Variants in ABI3BP observed in about 807,000 individuals in gnomAD.
ABI3BP encodes the protein target of Nesh-SH3.
A neutral mutation model predicts 268.6 loss-of-function variants in ABI3BP; 216 were observed. The ratio of observed to expected loss-of-function variants is 0.80; its 90% CI spans 0.72 to 0.90. The LOEUF (loss-of-function observed/expected upper bound fraction) is 0.90, where lower values mean the gene tolerates loss of function less well. ABI3BP is among the 40% of genes least tolerant of loss of function. The pLI is 0.00. For missense variants in ABI3BP, 2,090 were observed against 2,182.4 expected (o/e 0.96, Z 0.84); for synonymous variants, 730 against 730.0 (o/e 1.00, Z 0.00).
chr3:100,976,297 C>A (rs768762080), intron 1 of ABI3BP, among the ~76,000 whole-genome samples: 8 of 152,046 alleles, frequency 5.3e-5, no homozygotes, highest in Non-Finnish European at 1.2e-4. Flanking sequence ...ATAAAATATT[C>A]CCTACATAAA....
intron 1 of ABI3BP, among the ~76,000 whole-genome samples, chr3:100,929,218 T>C (rs1454407450): frequency 6.6e-6 from 1 of 152,026 alleles, no homozygotes; most frequent in Non-Finnish European, 1.5e-5. Flanking sequence ...CACAGCATCA[T>C]CATCACGTTA....
chr3:100,780,154 A>G lies in ABI3BP; in HGVS notation c.4218T>C (p.Ser1406=), dbSNP rs759353535. 3 of 1,612,992 alleles carry G rather than the reference A, an allele frequency of 1.9e-6. 1 individual carries two copies. In the South Asian group the frequency reaches 3.3e-5, roughly 18 times the overall value. The change falls in exon 58 of 68, where the codon TCT becomes TCC. Residue 1406 remains serine (S), a synonymous_variant. Transcript: ENST00000471714. Reference sequence around the variant, plus strand: ...TACCTGGCTTTTTAGTGGGGTGGGTAGAGTCCACTGATACATTTCTATCAG... The same window carrying G: ...TACCTGGCTTTTTAGTGGGGTGGGTGGAGTCCACTGATACATTTCTATCAG... ...SGADRNVSVD[S]THPTKKPGTR...
At chr3:100,862,181 C>T in intron 14 of ABI3BP, 130 bp downstream of exon 14, 1 of 696,532 alleles carries the variant, frequency 1.4e-6, no homozygotes, top group South Asian at 2.2e-5. Flanking sequence ...ATCTCAGTAT[C>T]AACAAATGTA....
intron 62 of ABI3BP, among the ~76,000 whole-genome samples, chr3:100,768,305 A>G (rs367695797): frequency 1.4e-3 from 220 of 151,964 alleles, no homozygotes; most frequent in South Asian, 4.2e-3. Flanking sequence ...AGCCAGGATG[A>G]TCTTGATCTC....
At chr3:100,961,559 G>T (rs780771673) in intron 1 of ABI3BP, among the ~76,000 whole-genome samples, 3 of 152,170 alleles carry the variant, frequency 2.0e-5, no homozygotes, top group Non-Finnish European at 4.4e-5. Context: ...CATAATTAGA[G>T]CTACATCAAG....
chr3:100,875,717 A>G, intron 7 of ABI3BP, 138 bp from the exon 8 acceptor site: 9 of 649,126 alleles, frequency 1.4e-5, no homozygotes, highest in Admixed American at 2.4e-5. Context: ...TGGCCTGGCT[A>G]TATAGCCAAC....
chr3:100,886,172 T>A lies in ABI3BP; in HGVS notation c.613A>T (p.Lys205Ter). Residue 205 changes from lysine (K) to a stop codon, truncating the protein, a stop_gained, in exon 5 of 68, where the codon AAG becomes TAG. Transcript: ENST00000471714. LOFTEE classifies it high-confidence loss of function. ...ACAACAGTCTTGTGATTGAAAATCT[T>A]ACTCCAAATTCCACCTTCCACATTG... ...KDNVEGGIWS[K>*]IFNHKTVVGS... The A allele has an allele frequency of 6.2e-7, 1 of 1,600,634 alleles. No homozygotes were observed. The highest frequency in any genetic ancestry group is 1.7e-5 in the Admixed American group (1 of 58,204).
chr3:100,931,899 G>A (rs955467923), intron 1 of ABI3BP, among the ~76,000 whole-genome samples: 16 of 151,786 alleles, frequency 1.1e-4, no homozygotes, highest in African/African-American at 3.4e-4. Context: ...AGTAGCCAAA[G>A]CAATTCTAAA....
At chr3:100,831,312 G>A (rs1383630301) in intron 31 of ABI3BP, among the ~76,000 whole-genome samples, 1 of 152,016 alleles carries the variant, frequency 6.6e-6, no homozygotes, top group African/African-American at 2.4e-5. Context: ...AGGAGAGGAT[G>A]GATTATATAA....
At chr3:100,938,933 G>A (rs981979370) in intron 1 of ABI3BP, among the ~76,000 whole-genome samples, 3 of 152,034 alleles carry the variant, frequency 2.0e-5, no homozygotes, top group Admixed American at 6.6e-5. Flanking sequence ...TGTTGGGGGG[G>A]CATGTGTGTG....
In ABI3BP at chr3:100,942,990, A is replaced by T. The variant is rs374445356; in HGVS notation, c.80-16509T>A. 1.4e-4 allele frequency among the ~76,000 whole-genome samples: 21 copies of T among 152,244 alleles called. No individual in the cohort carries two copies. The South Asian group carries it at 1.9e-3, about 14-fold the overall frequency. On this transcript the variant is annotated intron_variant, in intron 1 of 67. Transcript: ENST00000471714. The stretch of plus-strand genomic sequence containing the variant: ...TTTACACATATTTTGGTCTGTGAAC[A>T]AATTCTGTTAATTAGGGTTTCTGAG...
chr3:100,812,609 T>C (rs2097889593), intron 45 of ABI3BP, 86 bp from the exon 46 acceptor site: 9 of 799,824 alleles, frequency 1.1e-5, no homozygotes, highest in Admixed American at 4.0e-5. Flanking sequence ...AAGTGTTCAA[T>C]GTTAACTGTT....
chr3:100,974,554 G>A (rs1487652337), intron 1 of ABI3BP, among the ~76,000 whole-genome samples: 2 of 152,154 alleles, frequency 1.3e-5, no homozygotes, highest in African/African-American at 4.8e-5. Flanking sequence ...CAAAACTATA[G>A]GGAGAGAAAT....
At position 100,749,866 on chromosome 3, in the gene ABI3BP, T is replaced by A. The variant is rs922613896; in HGVS notation, c.*629A>T. 2.5e-6 allele frequency: 1 copy of A among 396,164 alleles called. No homozygotes were observed. The highest frequency in any genetic ancestry group is 4.4e-5 in the Admixed American group (1 of 22,704). 24.5% of individuals were successfully genotyped at this position (396,164 alleles called of 1,614,324 possible). ...TTTAGCTGAAATGAAATTTACTGAT[T>A]CAATCTTTTTAAGAATTTGTGGATG... On this transcript the variant is annotated 3_prime_UTR_variant, in exon 68 of 68. Transcript: ENST00000471714.
At chr3:100,788,278 A>G (rs2097108171) in intron 56 of ABI3BP, among the ~76,000 whole-genome samples, 1 of 152,154 alleles carries the variant, frequency 6.6e-6, no homozygotes, top group Admixed American at 6.6e-5. Flanking sequence ...CACAAAGTCC[A>G]TTGCCAAGCA....
At chr3:100,972,643 A>AT (rs199936150) in intron 1 of ABI3BP, among the ~76,000 whole-genome samples, 187 of 151,506 alleles carry the variant, frequency 1.2e-3, no homozygotes, top group African/African-American at 3.1e-3. Flanking sequence ...AGATTGATTC[A>AT]TTTTTTTTTC....
At chr3:100,952,341 G>C (rs983306450) in intron 1 of ABI3BP, among the ~76,000 whole-genome samples, 1 of 152,160 alleles carries the variant, frequency 6.6e-6, no homozygotes, top group Non-Finnish European at 1.5e-5. Flanking sequence ...GAATTAGCTT[G>C]ATTTAGCCAT....
intron 1 of ABI3BP, among the ~76,000 whole-genome samples, chr3:100,989,707 C>T (rs377004182): frequency 6.6e-6 from 1 of 152,292 alleles, no homozygotes; most frequent in South Asian, 2.1e-4. Flanking sequence ...AGTTTCCATG[C>T]AGAGGTGTGT....
chr3:100,808,275 C>A, intron 49 of ABI3BP, 40 bp from the exon 50 acceptor site: 1 of 1,489,350 alleles, frequency 6.7e-7, no homozygotes, highest in South Asian at 1.3e-5. Context: ...TTGAGCCCTT[C>A]AAGAATGACA....
Sources: gnomAD v4.1 joint callset for allele counts (sites outside exome capture counted in the v4.1 genomes callset) on GRCh38, gnomAD v4.1.1 for gene constraint, MANE v1.5 for transcripts, NCBI Gene and HGNC (gene_info 2026-07-23, HGNC 2026-07-21) for gene names.